The following SLC2A9 variants were observed in gnomAD, a reference collection of about 807,000 sequenced individuals.
SLC2A9 encodes the protein solute carrier family 2 member 9.
SLC2A9 carries 39 observed loss-of-function variants against 50.6 expected under a neutral mutation model. The ratio of observed to expected loss-of-function variants is 0.77; its 90% confidence interval spans 0.60 to 1.01. The LOEUF is 1.01. Among genes scored for constraint, SLC2A9 ranks in the 50% least tolerant of loss-of-function variants. SLC2A9 has a pLI of 0.00. For missense variants in SLC2A9, 686 were observed against 677.6 expected (o/e 1.01, Z -0.14); for synonymous variants, 324 against 276.9 (o/e 1.17, Z -1.69).
At chr4:9,791,672 T>A (rs1279089924) in intron 3 of SLC2A9, among the ~76,000 whole-genome samples, 1 of 151,886 alleles carries the variant, frequency 6.6e-6, no homozygotes, top group African/African-American at 2.4e-5. Flanking sequence ...GTTGTGGGAG[T>A]GTCTGACCAA....
At chr4:9,787,750 A>C (rs902614759) in intron 3 of SLC2A9, among the ~76,000 whole-genome samples, 48 of 152,140 alleles carry the variant, frequency 3.2e-4, no homozygotes, top group African/African-American at 1.1e-3. Context: ...CTTGTCCTTC[A>C]ACTTGGGTTT....
At chr4:9,947,280 T>C (rs1243025632) in intron 5 of SLC2A9, among the ~76,000 whole-genome samples, 1 of 152,222 alleles carries the variant, frequency 6.6e-6, no homozygotes, top group African/African-American at 2.4e-5. Flanking sequence ...GGTTTGCAGG[T>C]GCTCTTTCTC....
At chr4:9,844,064 T>C (rs1728518881) in intron 10 of SLC2A9, among the ~76,000 whole-genome samples, 1 of 151,128 alleles carries the variant, frequency 6.6e-6, no homozygotes. Flanking sequence ...TAAAAACTCT[T>C]ATTTTACAGA....
chr4:9,844,013 G>A (rs933696423), intron 10 of SLC2A9, among the ~76,000 whole-genome samples: 2 of 151,946 alleles, frequency 1.3e-5, no homozygotes, highest in African/African-American at 4.8e-5. Context: ...ATGCATTTGA[G>A]GCATAGAATC....
chr4:9,780,576 G>A (rs1383124422), intron 3 of SLC2A9, among the ~76,000 whole-genome samples: 3 of 152,170 alleles, frequency 2.0e-5, no homozygotes, highest in African/African-American at 7.2e-5. Context: ...AGTCCAGTCT[G>A]TTTCTAGACC....
intron 3 of SLC2A9, among the ~76,000 whole-genome samples, chr4:9,992,767 C>G (rs890651928): frequency 2.6e-4 from 40 of 152,182 alleles, no homozygotes; most frequent in Non-Finnish European, 4.4e-5. Context: ...TATTGTGAGC[C>G]AAGTAATTCC....
Position 9,968,547 on chromosome 4 carries a change from T to C in SLC2A9, c.681+12045A>G, listed in dbSNP as rs567660007. ...TGATTCTGTACTTAGCTTTTCTTCA[T>C]GTGTCTACATTGTTCCATGTAACCA... On this transcript the variant is annotated intron_variant, in intron 5 of 11. Transcript: ENST00000264784. Among the ~76,000 whole-genome samples the C allele has an allele frequency of 2.6e-5, 4 of 152,342 alleles. No homozygotes were observed. The South Asian group carries it at 8.3e-4, about 32-fold the overall frequency.
At chr4:9,851,947 C>G (rs1300565961) in intron 10 of SLC2A9, among the ~76,000 whole-genome samples, 3 of 152,176 alleles carry the variant, frequency 2.0e-5, no homozygotes, top group Admixed American at 1.3e-4. Flanking sequence ...CTATGACTCA[C>G]TGGTGTCTCT....
chr4:9,893,319 C>T (rs914297600), intron 8 of SLC2A9, among the ~76,000 whole-genome samples: 29 of 152,012 alleles, frequency 1.9e-4, no homozygotes, highest in African/African-American at 6.3e-4. Context: ...TGGAAGAATA[C>T]CTGACAGGTG....
At chr4:9,869,171 T>G (rs908417873) in intron 10 of SLC2A9, among the ~76,000 whole-genome samples, 1 of 152,198 alleles carries the variant, frequency 6.6e-6, no homozygotes, top group African/African-American at 2.4e-5. Flanking sequence ...GGATCTGGAC[T>G]TTTCCACAGA....
chr4:10,003,010 G>C (rs1008568132), intron 2 of SLC2A9, among the ~76,000 whole-genome samples: 7 of 152,160 alleles, frequency 4.6e-5, no homozygotes, highest in African/African-American at 1.4e-4. Flanking sequence ...GGATTAGAGG[G>C]GCCACAGCAA....
At chr4:9,812,724 G>A (rs577807299) in intron 3 of SLC2A9, among the ~76,000 whole-genome samples, 1 of 152,190 alleles carries the variant, frequency 6.6e-6, no homozygotes, top group South Asian at 2.1e-4. Context: ...TTGGGCTTTC[G>A]ACACACTCTG....
chr4:9,979,975 C>A lies in SLC2A9; in HGVS notation c.681+617G>T, dbSNP rs138866566. Among the ~76,000 whole-genome samples the A allele has an allele frequency of 1.8e-3, 273 of 152,186 alleles. 3 individuals are homozygous for A. Among genetic ancestry groups the A allele is most frequent in the African/African-American group, 6.3e-3 (261 of 41,506 alleles). On this transcript the variant is annotated intron_variant, in intron 5 of 11. Transcript: ENST00000264784. ...TACCCTTCAGGAGTCCATTTAGAGG[C>A]CACCTCTTCTAAAAAGCCTTCCTTG...
At chr4:10,014,556 C>G (rs1276612633) in intron 2 of SLC2A9, among the ~76,000 whole-genome samples, 3 of 152,178 alleles carry the variant, frequency 2.0e-5, no homozygotes, top group Non-Finnish European at 4.4e-5. Flanking sequence ...CTCCACCCCA[C>G]TGGACCCCAC....
At chr4:10,035,692 G>A (rs1312418729) in intron 1 of SLC2A9, 5 of 152,266 alleles carry the variant, frequency 3.3e-5, no homozygotes, top group African/African-American at 1.2e-4. Flanking sequence ...GAGCAGATCT[G>A]CCCTCCAGTG....
rs1443134115 is a variant in SLC2A9, at chr4:9,871,691, G to A, written c.1291+15876C>T. 3.9e-5 allele frequency among the ~76,000 whole-genome samples: 6 copies of A among 152,282 alleles called. 1 individual carries two copies. Among genetic ancestry groups the A allele is most frequent in the Admixed American group, 3.9e-4 (6 of 15,304 alleles). ...ATTTCTAACCAAGGTCACATTCTGAGGTTCTGAGAGAACAAGAATCTTTGG... is the reference window on the plus strand; with the variant it reads ...ATTTCTAACCAAGGTCACATTCTGAAGTTCTGAGAGAACAAGAATCTTTGG... On this transcript the variant is annotated intron_variant, in intron 10 of 11. Transcript: ENST00000264784.
chr4:10,033,390 AC>A (rs1244717725), intron 1 of SLC2A9, among the ~76,000 whole-genome samples: 1 of 151,840 alleles, frequency 6.6e-6, no homozygotes, highest in African/African-American at 2.4e-5. Flanking sequence ...ATTCTAGAAC[AC>A]CCTCTTCCCC....
downstream of SLC2A9, among the ~76,000 whole-genome samples, chr4:9,776,187 C>CTTTT (rs75524600): frequency 7.0e-6 from 1 of 141,974 alleles, no homozygotes; most frequent in African/African-American, 2.6e-5. Context: ...GTCTTTCTTT[C>CTTTT]TTTTTTTTTT....
chr4:9,958,501 G>A (rs73227852), intron 5 of SLC2A9, among the ~76,000 whole-genome samples: 29,640 of 152,002 alleles, frequency 0.19, 3,095 homozygotes, highest in African/African-American at 0.22. Context: ...TGGAGGTGAG[G>A]CCTAAGGGAG....
Sources: allele counts gnomAD v4.1 joint callset (sites outside exome capture counted in the v4.1 genomes callset), GRCh38; gene constraint gnomAD v4.1.1; transcripts MANE v1.5; gene names NCBI Gene and HGNC (gene_info 2026-07-23, HGNC 2026-07-21).